The following DSCAM variants were observed in gnomAD, a reference collection of about 807,000 sequenced individuals.
DSCAM encodes DS cell adhesion molecule.
Under a neutral mutation model 217.7 loss-of-function variants are expected in DSCAM, and 47 were observed. The ratio of observed to expected loss-of-function variants is 0.22; its 90% CI spans 0.17 to 0.28. The LOEUF is 0.28. Ranked by LOEUF, DSCAM falls within the 10% of genes least tolerant of loss-of-function variation. The pLI, the probability that DSCAM is intolerant of heterozygous loss-of-function variation, is 1.00. For missense variants in DSCAM, 2,080 were observed against 2,618.3 expected (o/e 0.79, Z 4.49); for synonymous variants, 1,056 against 1,015.3 (o/e 1.04, Z -0.76).
At chr21:40,563,829 T>C (rs1002234713) in intron 3 of DSCAM, among the ~76,000 whole-genome samples, 1 of 137,988 alleles carries the variant, frequency 7.2e-6, no homozygotes, top group Non-Finnish European at 1.5e-5. Context: ...GTTATATGTT[T>C]ATATATGTTT....
chr21:40,457,529 A>AAAACAAAC (rs34271830), intron 3 of DSCAM, among the ~76,000 whole-genome samples: 55 of 150,988 alleles, frequency 3.6e-4, no homozygotes, highest in Middle Eastern at 3.4e-3. Flanking sequence ...ATAATAAAAT[A>AAAACAAAC]AAACAAACAA....
chr21:40,373,921 G>T (rs1426829830), intron 3 of DSCAM, among the ~76,000 whole-genome samples: 1 of 152,150 alleles, frequency 6.6e-6, no homozygotes, highest in East Asian at 1.9e-4. Flanking sequence ...TAATCTCTTT[G>T]TTCTGCTGTT....
At chr21:40,235,022 C>A (rs1157146291) in intron 11 of DSCAM, among the ~76,000 whole-genome samples, 9 of 152,098 alleles carry the variant, frequency 5.9e-5, no homozygotes, top group Non-Finnish European at 1.2e-4. Context: ...ATGAAACTAG[C>A]CTCTTCAGAA....
intron 24 of DSCAM, among the ~76,000 whole-genome samples, chr21:40,081,094 G>A (rs2089449200): frequency 6.6e-6 from 1 of 152,182 alleles, no homozygotes; most frequent in Admixed American, 6.5e-5. Context: ...TAAGCGGTGA[G>A]TCCCAAGTGC....
intron 3 of DSCAM, among the ~76,000 whole-genome samples, chr21:40,399,522 C>T (rs1054255774): frequency 2.6e-5 from 4 of 152,160 alleles, no homozygotes; most frequent in Non-Finnish European, 1.5e-5. Flanking sequence ...CTTTATATTT[C>T]GCTGTGTTTC....
Position 40,020,674 on chromosome 21 carries a change from C to G in DSCAM, c.5687-7288G>C, listed in dbSNP as rs559223773. 3.9e-5 allele frequency among the ~76,000 whole-genome samples: 6 copies of G among 152,302 alleles called. No individual in the cohort carries two copies. In the South Asian group the frequency reaches 1.2e-3, roughly 32 times the overall value. ...GCTCATGGTCTGACGGCAGGAGGAA[C>G]TGAGCTTGAACTCACTTCCATGCCC... On this transcript the variant is annotated intron_variant, in intron 32 of 32. Transcript: ENST00000400454.
At chr21:40,827,841 T>A (rs2091982679) in intron 1 of DSCAM, among the ~76,000 whole-genome samples, 3 of 152,204 alleles carry the variant, frequency 2.0e-5, no homozygotes, top group Non-Finnish European at 4.4e-5. Flanking sequence ...TTGAGGCAAG[T>A]ACTGTAAGGA....
At chr21:40,218,687 T>C (rs2091265171) in intron 11 of DSCAM, among the ~76,000 whole-genome samples, 1 of 152,162 alleles carries the variant, frequency 6.6e-6, no homozygotes, top group East Asian at 1.9e-4. Context: ...TCTGTAATTC[T>C]TGTTGTAGAG....
chr21:40,621,628 A>G lies in DSCAM; in HGVS notation c.508+71182T>C, dbSNP rs537111676. On this transcript the variant is annotated intron_variant, in intron 3 of 32. Transcript: ENST00000400454. ...AGAGTGCTGTTTGCCAAAGTCATATAGTGCTTTCAGGACATGGTTCCACCA... is the reference window on the plus strand; with the variant it reads ...AGAGTGCTGTTTGCCAAAGTCATATGGTGCTTTCAGGACATGGTTCCACCA... Among the ~76,000 whole-genome samples the G allele has an allele frequency of 3.1e-4, 47 of 151,936 alleles. 3 individuals carry two copies. The highest frequency in any genetic ancestry group is 6.8e-3 in the Middle Eastern group (2 of 294).
chr21:40,119,932 A>G (rs753963930), intron 20 of DSCAM, among the ~76,000 whole-genome samples: 1 of 151,750 alleles, frequency 6.6e-6, no homozygotes, highest in African/African-American at 2.4e-5. Context: ...ATTCCTGCAC[A>G]TTTCTGGTTC....
rs375578846 is a variant in DSCAM, at chr21:40,682,070, A to AT, written c.508+10739dup. 9.2e-4 allele frequency among the ~76,000 whole-genome samples: 137 copies of AT among 149,478 alleles called. 1 individual carries two copies. The highest frequency in any genetic ancestry group is 3.5e-3 in the Middle Eastern group (1 of 282). ...TGTTTGAAACCAGTCAGTTCATGGT[A>AT]TTTTTTTTTTGTAGTCCTAGGAAAC... On this transcript the variant is annotated intron_variant, in intron 3 of 32. Coordinates refer to ENST00000400454, the MANE Select transcript of DSCAM (RefSeq NM_001389.5).
At chr21:40,505,342 T>C (rs1338069971) in intron 3 of DSCAM, among the ~76,000 whole-genome samples, 2 of 152,210 alleles carry the variant, frequency 1.3e-5, no homozygotes, top group African/African-American at 2.4e-5. Context: ...TAGTTGAGTA[T>C]TGTTACATGC....
At chr21:40,664,683 G>A (rs1241550728) in intron 3 of DSCAM, among the ~76,000 whole-genome samples, 1 of 152,190 alleles carries the variant, frequency 6.6e-6, no homozygotes, top group Non-Finnish European at 1.5e-5. Flanking sequence ...CTACTTCCTT[G>A]TCAGATTGTC....
intron 6 of DSCAM, among the ~76,000 whole-genome samples, chr21:40,340,524 C>T (rs1363121174): frequency 2.0e-5 from 3 of 152,148 alleles, no homozygotes; most frequent in African/African-American, 7.2e-5. Context: ...CACTGTGACA[C>T]ATTTTTTCTA....
rs999789728 is a variant in DSCAM, at chr21:40,306,125, C to T, written c.2062+5956G>A. Among the ~76,000 whole-genome samples the T allele has an allele frequency of 2.9e-3, 432 of 149,902 alleles. 1 individual carries two copies. Among genetic ancestry groups the T allele is most frequent in the African/African-American group, 9.7e-3 (391 of 40,476 alleles). On this transcript the variant is annotated intron_variant, in intron 9 of 32. Coordinates refer to ENST00000400454, the MANE Select transcript of DSCAM (RefSeq NM_001389.5). ...TATCCTCTTTTATTTCATTGAGCAG[C>T]GGTTTGTAGTTCTCCTTGAAGAGGT...
chr21:40,703,567 A>G (rs890494581), intron 2 of DSCAM, among the ~76,000 whole-genome samples: 1 of 152,046 alleles, frequency 6.6e-6, no homozygotes, highest in African/African-American at 2.4e-5. Flanking sequence ...CCCAACAGCA[A>G]CAACAAAAAT....
intron 3 of DSCAM, among the ~76,000 whole-genome samples, chr21:40,528,981 G>A (rs1392383454): frequency 7.0e-6 from 1 of 142,536 alleles, no homozygotes; most frequent in African/African-American, 2.6e-5. Flanking sequence ...TCGGCTCACT[G>A]CAACCTCTGC....
chr21:40,040,369 C>T (rs74922733), intron 32 of DSCAM, among the ~76,000 whole-genome samples: 5,645 of 152,248 alleles, frequency 0.037, 357 homozygotes, highest in African/African-American at 0.13. Flanking sequence ...ATATGAGCAG[C>T]GTGCCATCAA....
chr21:40,827,638 G>A (rs2091980870), intron 1 of DSCAM, among the ~76,000 whole-genome samples: 1 of 152,124 alleles, frequency 6.6e-6, no homozygotes. Context: ...CAGGTGAGTT[G>A]AAACAGCGCT....
Sources: allele counts gnomAD v4.1 joint callset (sites outside exome capture counted in the v4.1 genomes callset), GRCh38; gene constraint gnomAD v4.1.1; transcripts MANE v1.5; gene names NCBI Gene and HGNC (gene_info 2026-07-23, HGNC 2026-07-21).